ASPH: variants seen among roughly 807,000 people sequenced by gnomAD.
ASPH encodes the protein aspartate beta-hydroxylase, also known as aspartyl/asparaginyl beta-hydroxylase.
A neutral mutation model predicts 118.4 loss-of-function variants in ASPH; 100 were observed. The ratio of observed to expected loss-of-function variants is 0.84; its 90% confidence interval spans 0.72 to 1.00. The LOEUF (loss-of-function observed/expected upper bound fraction) is 1.00. Among genes scored for constraint, ASPH ranks in the 50% least tolerant of loss-of-function variants. ASPH has a pLI of 0.00. For synonymous variants in ASPH, 315 were observed against 325.6 expected (o/e 0.97, Z 0.35); for missense variants, 920 against 919.5 (o/e 1.00, Z -0.01).
chr8:61,576,664 G>T, intron 16 of ASPH, 108 bp downstream of exon 16: 1 of 929,442 alleles, frequency 1.1e-6, no homozygotes, highest in South Asian at 2.1e-5. Flanking sequence ...ATGAGAAACT[G>T]ATTCTGTAGA....
chr8:61,681,083 A>C, intron 2 of ASPH, 47 bp from the exon 3 acceptor site: 3 of 1,461,370 alleles, frequency 2.1e-6, no homozygotes, highest in Non-Finnish European at 2.8e-6. Flanking sequence ...AAAGAAAAGA[A>C]ATTTAATAAG....
At chr8:61,675,031 T>C (rs1187498739) in intron 3 of ASPH, among the ~76,000 whole-genome samples, 1 of 152,152 alleles carries the variant, frequency 6.6e-6, no homozygotes, top group African/African-American at 2.4e-5. Flanking sequence ...TTTTAAGAAA[T>C]GCATTTTGTA....
At position 61,643,926 on chromosome 8, in the gene ASPH, A is replaced by G. The variant is rs1254453322; in HGVS notation, c.709+19T>C. 6.2e-7 allele frequency: 1 copy of G among 1,600,506 alleles called. No homozygotes were observed. Among genetic ancestry groups the G allele is most frequent in the African/African-American group, 1.3e-5 (1 of 74,720 alleles). On this transcript the variant is annotated intron_variant, in intron 8 of 24. Transcript: ENST00000379454. Reference sequence around the variant, plus strand: ...CCTCAATCAGAAAACACATATCAATAATTTTAACATTTACAAACCTGGATT... The same window carrying G: ...CCTCAATCAGAAAACACATATCAATGATTTTAACATTTACAAACCTGGATT...
intron 24 of ASPH, among the ~76,000 whole-genome samples, chr8:61,504,940 C>G (rs1805854716): frequency 6.6e-6 from 1 of 152,062 alleles, no homozygotes; most frequent in Admixed American, 6.5e-5. Context: ...CTACTACCCA[C>G]CCTCCCACCT....
chr8:61,523,192 CT>C (rs1197391384), intron 22 of ASPH, among the ~76,000 whole-genome samples: 4 of 152,146 alleles, frequency 2.6e-5, no homozygotes, highest in Non-Finnish European at 4.4e-5. Context: ...ACGTCCGCCC[CT>C]GTCCCTTCCA....
chr8:61,518,548 G>T (rs1811738130), intron 22 of ASPH, among the ~76,000 whole-genome samples: 1 of 151,970 alleles, frequency 6.6e-6, no homozygotes, highest in South Asian at 2.1e-4. Flanking sequence ...ATAAATAGTT[G>T]ATTAACATAT....
chr8:61,547,137 G>C (rs1298015355), intron 21 of ASPH, among the ~76,000 whole-genome samples: 1 of 152,130 alleles, frequency 6.6e-6, no homozygotes, highest in Non-Finnish European at 1.5e-5. Context: ...CTCATTTTAT[G>C]ACTGTCTAAG....
chr8:61,682,534 AT>A, intron 2 of ASPH: 1 of 1,515,486 alleles, frequency 6.6e-7, no homozygotes, highest in Non-Finnish European at 9.2e-7. Flanking sequence ...AAAGGTACAA[AT>A]ACTTAAAGTG....
At chr8:61,694,429 G>A (rs1465928324) in intron 1 of ASPH, among the ~76,000 whole-genome samples, 1 of 152,076 alleles carries the variant, frequency 6.6e-6, no homozygotes, top group East Asian at 1.9e-4. Flanking sequence ...CAACCTGTAG[G>A]CTTCCATCTG....
intron 1 of ASPH, among the ~76,000 whole-genome samples, chr8:61,692,805 C>T (rs967086892): frequency 3.3e-5 from 5 of 152,020 alleles, no homozygotes; most frequent in Admixed American, 1.3e-4. Flanking sequence ...TTGCTAAGTC[C>T]CAGATGATCT....
At chr8:61,504,056 A>T (rs1343752892) in intron 24 of ASPH, among the ~76,000 whole-genome samples, 2 of 152,214 alleles carry the variant, frequency 1.3e-5, no homozygotes, top group Non-Finnish European at 2.9e-5. Flanking sequence ...TTATATTTTT[A>T]GTATCATCTT....
intron 3 of ASPH, among the ~76,000 whole-genome samples, chr8:61,670,630 G>A (rs1465404038): frequency 6.6e-6 from 1 of 152,006 alleles, no homozygotes; most frequent in African/African-American, 2.4e-5. Context: ...TGTTTTGAAG[G>A]TCGAGGAAAC....
chr8:61,581,789 A>T (rs868616709), intron 15 of ASPH, among the ~76,000 whole-genome samples: 6 of 152,320 alleles, frequency 3.9e-5, no homozygotes, highest in African/African-American at 1.2e-4. Flanking sequence ...TGTAATAATA[A>T]GTGATTCCAA....
In ASPH at chr8:61,651,124, T is replaced by C. The variant is rs2151100872; in HGVS notation, c.416A>G (p.Glu139Gly). 1.9e-6 allele frequency: 3 copies of C among 1,613,286 alleles called. No homozygotes were observed. In the East Asian group the frequency reaches 6.7e-5, roughly 36 times the overall value. Residue 139 changes from glutamate to glycine, a missense_variant and splice_region_variant, in exon 5 of 25, where the codon GAA becomes GGA. Physicochemically the swap from Glu to Gly is moderately conservative, Grantham distance 98 (BLOSUM62 -2). Coordinates refer to ENST00000379454, the MANE Select transcript of ASPH (RefSeq NM_004318.4). The part of the protein sequence containing the change: ...EPEEQVPVEA[E>G]PQNIEDEAKE... ...TGCTTCATCTTCGATATTCTGGGGTTCTAAAATAATTGCAAAACATAGCTA... is the reference window on the plus strand; with the variant it reads ...TGCTTCATCTTCGATATTCTGGGGTCCTAAAATAATTGCAAAACATAGCTA...
chr8:61,668,538 G>A (rs1304724292), intron 3 of ASPH, among the ~76,000 whole-genome samples: 1 of 151,986 alleles, frequency 6.6e-6, no homozygotes, highest in Non-Finnish European at 1.5e-5. Context: ...AGAATTGTTG[G>A]CATTAGAAAT....
chr8:61,523,548 C>T (rs549773666), intron 22 of ASPH, among the ~76,000 whole-genome samples: 12 of 152,040 alleles, frequency 7.9e-5, no homozygotes, highest in South Asian at 6.2e-4. Context: ...AACTCCTGAC[C>T]TCAAATGATC....
In ASPH at chr8:61,665,272, A is replaced by G. The variant is rs149774162; in HGVS notation, c.323-11612T>C. 2.0e-3 allele frequency: 3,252 copies of G among 1,601,184 alleles called. 9 individuals carry two copies. Among genetic ancestry groups the G allele is most frequent in the Non-Finnish European group, 2.2e-3 (2,585 of 1,176,322 alleles). ...AGCTTTAGCCGTTTCTTTTCTGGGT[A>G]TTTCCCTTTGTTAAGTGTGCATATC... On this transcript the variant is annotated intron_variant, in intron 3 of 24. Coordinates refer to ENST00000379454, the MANE Select transcript of ASPH (RefSeq NM_004318.4).
chr8:61,625,789 A>G, intron 13 of ASPH: 1 of 986,144 alleles, frequency 1.0e-6, no homozygotes. Flanking sequence ...GATCTCTGTT[A>G]GCGTTTTTAA....
At chr8:61,675,267 G>A in intron 3 of ASPH, 1 of 887,628 alleles carries the variant, frequency 1.1e-6, no homozygotes, top group South Asian at 5.2e-5. Flanking sequence ...TATTTAGGAT[G>A]AATAATTTTA....
Sources: allele counts gnomAD v4.1 joint callset (sites outside exome capture counted in the v4.1 genomes callset), GRCh38; gene constraint gnomAD v4.1.1; transcripts MANE v1.5; gene names NCBI Gene and HGNC (gene_info 2026-07-23, HGNC 2026-07-21).